RYR3: variants seen among roughly 807,000 people sequenced by gnomAD.
RYR3 encodes the protein ryanodine receptor 3.
In RYR3, 207 loss-of-function variants were observed where a neutral mutation model predicts 584.3. That is an observed-to-expected ratio of 0.35 (90% CI 0.32 to 0.40). The LOEUF (loss-of-function observed/expected upper bound fraction) is 0.40. Among genes scored for constraint, RYR3 ranks in the 10% least tolerant of loss-of-function variants. RYR3 has a pLI of 1.00. For synonymous variants in RYR3, 2,416 were observed against 2,248.5 expected (o/e 1.07, Z -2.11); for missense variants, 5,616 against 6,089.2 (o/e 0.92, Z 2.59).
chr15:33,475,523 T>C (rs1331313698), intron 2 of RYR3, among the ~76,000 whole-genome samples: 1 of 152,220 alleles, frequency 6.6e-6, no homozygotes, highest in African/African-American at 2.4e-5. Flanking sequence ...GCCACTGATC[T>C]GACAGGAGGC....
At chr15:33,462,309 A>G (rs2048103448) in intron 1 of RYR3, among the ~76,000 whole-genome samples, 1 of 152,208 alleles carries the variant, frequency 6.6e-6, no homozygotes, top group African/African-American at 2.4e-5. Context: ...GTGTGCACAT[A>G]AAGGATATTC....
At position 33,601,659 on chromosome 15, in the gene RYR3, T is replaced by G. The variant is rs1302877220; in HGVS notation, c.1922+107T>G. 5.6e-5 allele frequency: 67 copies of G among 1,188,702 alleles called. 2 individuals carry two copies. The East Asian group carries it at 1.5e-3, about 26-fold the overall frequency. The allele number at this position is 1,188,702 out of a possible 1,614,324, so 73.6% of individuals were successfully genotyped here. On this transcript the variant is annotated intron_variant, in intron 17 of 103. Coordinates refer to ENST00000634891, the MANE Select transcript of RYR3 (RefSeq NM_001036.6). ...ACTCCAAAGTTGCCCACCCATTGTTTCCATGGTGATACAAGTACATAAGAC... is the reference window on the plus strand; with the variant it reads ...ACTCCAAAGTTGCCCACCCATTGTTGCCATGGTGATACAAGTACATAAGAC...
At chr15:33,729,126 T>C in intron 47 of RYR3, 100 bp downstream of exon 47, 2 of 926,050 alleles carry the variant, frequency 2.2e-6, no homozygotes, top group South Asian at 3.4e-5. Context: ...ACCAATTACA[T>C]TTTAATAGCT....
At chr15:33,526,646 T>A (rs1053109328) in intron 3 of RYR3, among the ~76,000 whole-genome samples, 4 of 151,936 alleles carry the variant, frequency 2.6e-5, no homozygotes, top group African/African-American at 9.7e-5. Context: ...CTATGCCTTT[T>A]TTTTTTTTCC....
At chr15:33,472,981 C>T (rs1462865515) in intron 1 of RYR3, among the ~76,000 whole-genome samples, 1 of 152,034 alleles carries the variant, frequency 6.6e-6, no homozygotes, top group Non-Finnish European at 1.5e-5. Flanking sequence ...AACCTGAAAC[C>T]CCAACACTTT....
chr15:33,323,063 A>G (rs1403427918), intron 1 of RYR3, among the ~76,000 whole-genome samples: 1 of 151,582 alleles, frequency 6.6e-6, no homozygotes, highest in Non-Finnish European at 1.5e-5. Flanking sequence ...GGCTTGTACC[A>G]GGCATATTTT....
At chr15:33,540,756 A>G (rs778122552) in intron 6 of RYR3, 35 bp from the exon 7 acceptor site, 2 of 1,361,574 alleles carry the variant, frequency 1.5e-6, no homozygotes, top group Admixed American at 3.4e-5. Flanking sequence ...TGGACTGGTG[A>G]TTTAAAAGAT....
intron 1 of RYR3, among the ~76,000 whole-genome samples, chr15:33,439,039 A>T (rs2045986430): frequency 6.6e-6 from 1 of 152,342 alleles, no homozygotes; most frequent in South Asian, 2.1e-4. Flanking sequence ...ATGTTAAAAA[A>T]AACTAATAAA....
intron 42 of RYR3, 48 bp downstream of exon 42, chr15:33,701,128 T>G: frequency 7.9e-7 from 1 of 1,266,928 alleles, no homozygotes; most frequent in Non-Finnish European, 1.1e-6. Context: ...CGGCCTGTAG[T>G]GCAGCTAAGC....
chr15:33,582,784 G>A (rs1468017350), intron 14 of RYR3, among the ~76,000 whole-genome samples: 1 of 152,160 alleles, frequency 6.6e-6, no homozygotes, highest in Non-Finnish European at 1.5e-5. Context: ...TAGGAGCTCA[G>A]ACTTGAATTG....
At chr15:33,640,976 C>T (rs1421631275) in intron 27 of RYR3, among the ~76,000 whole-genome samples, 2 of 152,106 alleles carry the variant, frequency 1.3e-5, no homozygotes, top group African/African-American at 2.4e-5. Context: ...TGCCACATGA[C>T]CTTGCCCAGT....
chr15:33,351,354 C>T (rs1973223500), intron 1 of RYR3, among the ~76,000 whole-genome samples: 1 of 152,178 alleles, frequency 6.6e-6, no homozygotes, highest in Non-Finnish European at 1.5e-5. Flanking sequence ...GGTACCATTC[C>T]TTCTGAAACT....
chr15:33,720,847 C>T (rs1321206515), intron 43 of RYR3, among the ~76,000 whole-genome samples: 1 of 151,434 alleles, frequency 6.6e-6, no homozygotes, highest in Non-Finnish European at 1.5e-5. Flanking sequence ...GTACTCCAGC[C>T]TGGGTGACAG....
At position 33,458,622 on chromosome 15, in the gene RYR3, C is replaced by T. The variant is rs559570381; in HGVS notation, c.52-14797C>T. 3.3e-5 allele frequency among the ~76,000 whole-genome samples: 5 copies of T among 152,230 alleles called. No individual in the cohort carries two copies. The East Asian group carries it at 9.6e-4, about 29-fold the overall frequency. On this transcript the variant is annotated intron_variant, in intron 1 of 103. Transcript: ENST00000634891. Reference sequence around the variant, plus strand: ...TCAGTTCATTGTAAGTTCATGATTCCCTAGTTCTGGAGAAGTCTGTAAGGT... The same window carrying T: ...TCAGTTCATTGTAAGTTCATGATTCTCTAGTTCTGGAGAAGTCTGTAAGGT...
chr15:33,700,583 A>G (rs969656976), intron 41 of RYR3, among the ~76,000 whole-genome samples: 1 of 152,168 alleles, frequency 6.6e-6, no homozygotes, highest in East Asian at 1.9e-4. Flanking sequence ...TGGTGAAACT[A>G]TATGAGCTAA....
chr15:33,338,726 A>G (rs1023511363), intron 1 of RYR3, among the ~76,000 whole-genome samples: 1 of 152,162 alleles, frequency 6.6e-6, no homozygotes, highest in Non-Finnish European at 1.5e-5. Context: ...AGGGTCCCCA[A>G]ATTTAATTTC....
chr15:33,644,777 C>G (rs1480582675), intron 28 of RYR3, among the ~76,000 whole-genome samples: 2 of 152,214 alleles, frequency 1.3e-5, no homozygotes, highest in African/African-American at 2.4e-5. Context: ...ACTGAATTTG[C>G]TCTGGATGTT....
intron 1 of RYR3, among the ~76,000 whole-genome samples, chr15:33,471,649 G>A (rs139487030): frequency 0.012 from 1,818 of 150,088 alleles, 14 homozygotes; most frequent in Non-Finnish European, 0.019. Context: ...AAATGCCTGA[G>A]TTTTGTTGTT....
chr15:33,787,212 C>A (rs949215217), intron 66 of RYR3, among the ~76,000 whole-genome samples: 55 of 152,138 alleles, frequency 3.6e-4, no homozygotes, highest in African/African-American at 1.9e-4. Flanking sequence ...TAAGTAGTAA[C>A]CCCAAATCAC....
Sources: allele counts gnomAD v4.1 joint callset (sites outside exome capture counted in the v4.1 genomes callset), GRCh38; gene constraint gnomAD v4.1.1; transcripts MANE v1.5; gene names NCBI Gene and HGNC (gene_info 2026-07-23, HGNC 2026-07-21).